Variants in HPSE2 observed in about 807,000 individuals in gnomAD.
HPSE2 encodes the protein heparanase 2 (inactive).
Under a neutral mutation model 60.5 loss-of-function variants are expected in HPSE2, and 38 were observed. The observed-to-expected ratio is 0.63, with a 90% confidence interval of 0.48 to 0.82. The LOEUF is 0.82. Among genes scored for constraint, HPSE2 ranks in the 40% least tolerant of loss-of-function variants. HPSE2 has a pLI of 0.00. For missense variants in HPSE2, 713 were observed against 740.4 expected (o/e 0.96, Z 0.43); for synonymous variants, 295 against 293.2 (o/e 1.01, Z -0.06).
chr10:98,808,404 G>A (rs1042679426), intron 3 of HPSE2, among the ~76,000 whole-genome samples: 1 of 152,066 alleles, frequency 6.6e-6, no homozygotes, highest in Admixed American at 6.6e-5. Context: ...ACTAATGGGG[G>A]CATTACAGCT....
chr10:98,464,127 A>G (rs1284945812), intron 11 of HPSE2, among the ~76,000 whole-genome samples: 1 of 152,202 alleles, frequency 6.6e-6, no homozygotes. Flanking sequence ...AAAAAACACA[A>G]AAAAAGAAAG....
intron 9 of HPSE2, among the ~76,000 whole-genome samples, chr10:98,604,412 T>C (rs1945520281): frequency 6.6e-6 from 1 of 152,084 alleles, no homozygotes; most frequent in South Asian, 2.1e-4. Flanking sequence ...ATCTCTGAAT[T>C]TGAGGATATA....
intron 6 of HPSE2, among the ~76,000 whole-genome samples, chr10:98,681,075 AT>A (rs35135455): frequency 0.04 from 5,877 of 148,220 alleles, 255 homozygotes; most frequent in East Asian, 0.17. Context: ...TGAATTGGTC[AT>A]TTTTTTTTTA....
chr10:98,857,142 C>T (rs1952337363), intron 3 of HPSE2, among the ~76,000 whole-genome samples: 1 of 152,110 alleles, frequency 6.6e-6, no homozygotes, highest in South Asian at 2.1e-4. Context: ...AAAGTCAGAT[C>T]CATTTTGGGG....
chr10:98,515,583 G>A (rs1400773739), intron 9 of HPSE2, among the ~76,000 whole-genome samples: 1 of 152,162 alleles, frequency 6.6e-6, no homozygotes, highest in Non-Finnish European at 1.5e-5. Flanking sequence ...AATAAAACAT[G>A]TCTCTGTGCA....
chr10:98,733,557 T>G (rs1256408773), intron 4 of HPSE2, among the ~76,000 whole-genome samples: 5 of 152,176 alleles, frequency 3.3e-5, no homozygotes, highest in Non-Finnish European at 5.9e-5. Flanking sequence ...CTGACATAGA[T>G]TTGGTACTTA....
intron 9 of HPSE2, among the ~76,000 whole-genome samples, chr10:98,589,100 T>C (rs900189525): frequency 6.6e-6 from 1 of 152,198 alleles, no homozygotes; most frequent in African/African-American, 2.4e-5. Context: ...CCTGTTAAAA[T>C]AACATAGTGT....
chr10:98,714,165 T>C (rs551483811), intron 5 of HPSE2, among the ~76,000 whole-genome samples: 1 of 152,084 alleles, frequency 6.6e-6, no homozygotes, highest in East Asian at 1.9e-4. Context: ...AGGAGCTTTA[T>C]CTTTTATCTT....
intron 9 of HPSE2, among the ~76,000 whole-genome samples, chr10:98,551,812 T>C (rs762253673): frequency 2.0e-5 from 3 of 152,182 alleles, no homozygotes; most frequent in Non-Finnish European, 2.9e-5. Flanking sequence ...TCCTAATTGA[T>C]ACAGCACTGT....
intron 3 of HPSE2, among the ~76,000 whole-genome samples, chr10:98,895,184 T>C (rs541021326): frequency 6.6e-6 from 1 of 152,120 alleles, no homozygotes; most frequent in Non-Finnish European, 1.5e-5. Context: ...GAAAAACCCA[T>C]ACGTATAGAA....
chr10:99,031,629 T>C (rs569295540), intron 3 of HPSE2, among the ~76,000 whole-genome samples: 13 of 152,248 alleles, frequency 8.5e-5, no homozygotes, highest in Non-Finnish European at 1.5e-4. Context: ...GGAGGTATGA[T>C]TGGAGAGAAT....
At chr10:99,071,025 C>T (rs1012918531) in intron 3 of HPSE2, among the ~76,000 whole-genome samples, 2 of 151,354 alleles carry the variant, frequency 1.3e-5, no homozygotes, top group Admixed American at 1.3e-4. Flanking sequence ...TATAGGTATG[C>T]AGAAGTGGGA....
At chr10:98,577,371 G>C (rs996286208) in intron 9 of HPSE2, among the ~76,000 whole-genome samples, 2 of 152,110 alleles carry the variant, frequency 1.3e-5, no homozygotes, top group Admixed American at 1.3e-4. Flanking sequence ...TCAAATGACT[G>C]TTTACTCTCT....
intron 3 of HPSE2, among the ~76,000 whole-genome samples, chr10:98,857,242 T>C (rs1952339695): frequency 6.6e-6 from 1 of 152,222 alleles, no homozygotes; most frequent in Admixed American, 6.5e-5. Flanking sequence ...TCATTAACTT[T>C]ACTCCACAGT....
At chr10:99,050,469 A>G (rs767755724) in intron 3 of HPSE2, among the ~76,000 whole-genome samples, 8 of 152,192 alleles carry the variant, frequency 5.3e-5, no homozygotes, top group Non-Finnish European at 1.2e-4. Context: ...ATATGATCCA[A>G]CAATCCTATT....
chr10:98,826,776 C>G (rs918739527), intron 3 of HPSE2, among the ~76,000 whole-genome samples: 1 of 152,154 alleles, frequency 6.6e-6, no homozygotes, highest in Non-Finnish European at 1.5e-5. Flanking sequence ...GGGAGTAAAT[C>G]CACTAGCTCA....
the HPSE2 span, among the ~76,000 whole-genome samples, chr10:99,313,901 T>C: frequency 6.6e-6 from 1 of 152,004 alleles, no homozygotes; most frequent in Non-Finnish European, 1.5e-5. Flanking sequence ...GCCCAGCTGA[T>C]TGACTCCAAT....
chr10:98,828,977 TAA>T (rs35007964), intron 3 of HPSE2, among the ~76,000 whole-genome samples: 1 of 151,718 alleles, frequency 6.6e-6, no homozygotes, highest in Non-Finnish European at 1.5e-5. Context: ...ATGAATGAAT[TAA>T]AAAAAAATGG....
chr10:98,752,640 G>C (rs547990010), intron 3 of HPSE2, among the ~76,000 whole-genome samples: 2 of 152,250 alleles, frequency 1.3e-5, no homozygotes, highest in East Asian at 3.9e-4. Flanking sequence ...AAAGGGTATA[G>C]GGGACATAGA....
Sources: allele counts gnomAD v4.1 joint callset (sites outside exome capture counted in the v4.1 genomes callset), GRCh38; gene constraint gnomAD v4.1.1; transcripts MANE v1.5; gene names NCBI Gene and HGNC (gene_info 2026-07-23, HGNC 2026-07-21).